TASP1: variants seen among roughly 807,000 people sequenced by gnomAD.
TASP1 encodes the protein taspase 1, also known as threonine aspartase 1.
A neutral mutation model predicts 56.6 loss-of-function variants in TASP1; 16 were observed. The observed-to-expected ratio is 0.28, with a 90% CI of 0.19 to 0.43. TASP1 has a LOEUF of 0.43. Ranked by LOEUF, TASP1 falls within the 20% of genes least tolerant of loss-of-function variation. The probability of loss-of-function intolerance (pLI) is 1.00; values close to 1 mark genes in which losing one functional copy is unlikely to be tolerated. For missense variants in TASP1, 393 were observed against 511.6 expected, an observed-to-expected ratio of 0.77 and a Z score of 2.24; for synonymous variants, 179 against 184.2, an observed-to-expected ratio of 0.97 and a Z score of 0.23.
the TASP1 span, among the ~76,000 whole-genome samples, chr20:13,142,562 T>C: frequency 6.6e-6 from 1 of 152,198 alleles, no homozygotes; most frequent in Non-Finnish European, 1.5e-5. Flanking sequence ...GAGATTGTAT[T>C]TGCTTTCTAT....
chr20:13,114,132 G>T, the TASP1 span, among the ~76,000 whole-genome samples: 4 of 152,188 alleles, frequency 2.6e-5, no homozygotes, highest in Non-Finnish European at 5.9e-5. Flanking sequence ...AGTAAACATG[G>T]AAAATGCAAG....
At chr20:13,400,519 T>C (rs925613624) in intron 13 of TASP1, among the ~76,000 whole-genome samples, 4 of 152,216 alleles carry the variant, frequency 2.6e-5, no homozygotes. Flanking sequence ...TGAAGAAAGA[T>C]CTATTTCCAA....
chr20:13,476,293 G>A (rs2042949210), intron 11 of TASP1, among the ~76,000 whole-genome samples: 1 of 152,116 alleles, frequency 6.6e-6, no homozygotes. Context: ...AGCTGACAGT[G>A]TACTCCTTCA....
intron 5 of TASP1, among the ~76,000 whole-genome samples, chr20:13,584,723 T>C (rs376250152): frequency 1.4e-4 from 21 of 152,232 alleles, no homozygotes; most frequent in African/African-American, 5.1e-4. Context: ...GTATCATACA[T>C]AGTATATTCT....
the TASP1 span, among the ~76,000 whole-genome samples, chr20:13,339,619 AT>A: frequency 4.0e-5 from 6 of 151,508 alleles, no homozygotes; most frequent in Admixed American, 1.3e-4. Flanking sequence ...CTTACATGTG[AT>A]TTTTTTTTGT....
chr20:13,436,036 CCTTTT>C (rs2042989455), intron 11 of TASP1, among the ~76,000 whole-genome samples: 1 of 152,132 alleles, frequency 6.6e-6, no homozygotes, highest in Non-Finnish European at 1.5e-5. Flanking sequence ...AAAAAACTGA[CCTTTT>C]GGAAAACGGT....
At chr20:13,138,813 T>C in the TASP1 span, among the ~76,000 whole-genome samples, 1 of 152,194 alleles carries the variant, frequency 6.6e-6, no homozygotes, top group Non-Finnish European at 1.5e-5. Context: ...CCATCAGATA[T>C]GGAGGTGAGC....
At chr20:13,491,202 T>A (rs1487828826) in intron 10 of TASP1, among the ~76,000 whole-genome samples, 1 of 152,200 alleles carries the variant, frequency 6.6e-6, no homozygotes, top group Non-Finnish European at 1.5e-5. Context: ...AATAGTATGG[T>A]AAAGATTTCT....
At chr20:13,179,504 C>G in the TASP1 span, among the ~76,000 whole-genome samples, 1 of 151,502 alleles carries the variant, frequency 6.6e-6, no homozygotes, top group African/African-American at 2.4e-5. Flanking sequence ...TGGAATAACT[C>G]AGAACATCAC....
intron 10 of TASP1, among the ~76,000 whole-genome samples, 157 bp downstream of exon 10, chr20:13,528,276 T>C (rs1169881595): frequency 2.2e-5 from 3 of 136,506 alleles, no homozygotes; most frequent in Non-Finnish European, 3.2e-5. Flanking sequence ...ACACTGATAC[T>C]AAACAACCCT....
the TASP1 span, among the ~76,000 whole-genome samples, chr20:13,260,621 T>A: frequency 3.3e-5 from 5 of 151,948 alleles, no homozygotes; most frequent in East Asian, 5.8e-4. Context: ...TTTTTTGAAG[T>A]TAGTGTGAAA....
the TASP1 span, among the ~76,000 whole-genome samples, chr20:13,212,182 C>T: frequency 1.3e-5 from 2 of 152,098 alleles, no homozygotes; most frequent in Non-Finnish European, 2.9e-5. Context: ...TGGTCAATGG[C>T]AAGTGATCTG....
chr20:13,580,479 A>G (rs1221143746), intron 6 of TASP1, among the ~76,000 whole-genome samples: 1 of 152,024 alleles, frequency 6.6e-6, no homozygotes, highest in East Asian at 1.9e-4. Context: ...AAAATAAACA[A>G]AAACAAAAAA....
intron 4 of TASP1, among the ~76,000 whole-genome samples, chr20:13,604,175 T>C (rs556477037): frequency 3.3e-5 from 5 of 152,300 alleles, no homozygotes; most frequent in South Asian, 2.1e-4. Context: ...GCAGTTGACA[T>C]GGTCTGGATG....
the TASP1 span, among the ~76,000 whole-genome samples, chr20:13,259,214 G>A: frequency 6.6e-6 from 1 of 151,462 alleles, no homozygotes; most frequent in Admixed American, 6.6e-5. Flanking sequence ...CCAGGAGGCG[G>A]AGGTTGCAGT....
chr20:13,270,254 T>C, the TASP1 span, among the ~76,000 whole-genome samples: 5 of 152,226 alleles, frequency 3.3e-5, no homozygotes, highest in Non-Finnish European at 7.3e-5. Flanking sequence ...ACTTTGAAGC[T>C]TAATAAATAG....
At chr20:13,399,921 G>A (rs538636928) in intron 13 of TASP1, among the ~76,000 whole-genome samples, 1 of 152,260 alleles carries the variant, frequency 6.6e-6, no homozygotes, top group South Asian at 2.1e-4. Flanking sequence ...TCCTACTTGA[G>A]AGTGTTTGCA....
At chr20:13,629,331 T>C (rs2049004668) in intron 2 of TASP1, among the ~76,000 whole-genome samples, 1 of 136,658 alleles carries the variant, frequency 7.3e-6, no homozygotes, top group African/African-American at 2.8e-5. Context: ...ACCATTGCAT[T>C]CCAACCTGGG....
chr20:13,274,053 G>A, the TASP1 span, among the ~76,000 whole-genome samples: 13 of 77,926 alleles, frequency 1.7e-4, no homozygotes, highest in South Asian at 1.1e-3. Flanking sequence ...TTCTGTTGGC[G>A]TGTAATTGTG....
Sources: gnomAD v4.1 joint callset for allele counts (sites outside exome capture counted in the v4.1 genomes callset) on GRCh38, gnomAD v4.1.1 for gene constraint, MANE v1.5 for transcripts, NCBI Gene and HGNC (gene_info 2026-07-23, HGNC 2026-07-21) for gene names.